The following CCNY variants were observed in gnomAD, a reference collection of about 807,000 sequenced individuals.
CCNY encodes cyclin-Y.
In CCNY, 19 loss-of-function variants were observed where a neutral mutation model predicts 42.8. That is an observed-to-expected ratio of 0.44 (90% CI 0.31 to 0.65). CCNY has a LOEUF of 0.65. Ranked by LOEUF, CCNY falls within the 30% of genes least tolerant of loss-of-function variation. CCNY has a pLI of 0.07. For synonymous variants in CCNY, 165 were observed against 162.7 expected (o/e 1.01, Z -0.11); for missense variants, 370 against 437.3 (o/e 0.85, Z 1.37).
At chr10:35,405,374 T>G (rs1837735435) in intron 1 of CCNY, among the ~76,000 whole-genome samples, 1 of 151,512 alleles carries the variant, frequency 6.6e-6, no homozygotes, top group Non-Finnish European at 1.5e-5. Flanking sequence ...GAAGGGGAGA[T>G]ACAAGGAGAG....
chr10:35,344,989 G>GGTTGCC (rs1277676444), intron 1 of CCNY, among the ~76,000 whole-genome samples: 40 of 152,268 alleles, frequency 2.6e-4, no homozygotes, highest in African/African-American at 9.4e-4. Context: ...TGGACATTTG[G>GGTTGCC]GTTGGTTCCA....
intron 4 of CCNY, among the ~76,000 whole-genome samples, chr10:35,519,577 C>T (rs1230138616): frequency 1.3e-5 from 2 of 151,576 alleles, no homozygotes; most frequent in Non-Finnish European, 2.9e-5. Context: ...CCACCAATGT[C>T]CCCCTGCCAC....
chr10:35,354,200 T>C (rs891644833), intron 1 of CCNY, among the ~76,000 whole-genome samples: 2 of 151,436 alleles, frequency 1.3e-5, no homozygotes, highest in Admixed American at 6.6e-5. Context: ...TTTTTTTTTT[T>C]TTTGGGATGA....
chr10:35,310,713 AT>A (rs1835673055), intron 3 of CCNY, among the ~76,000 whole-genome samples: 1 of 152,102 alleles, frequency 6.6e-6, no homozygotes, highest in South Asian at 2.1e-4. Context: ...AGCTTTTTTG[AT>A]TGCTTAGCCT....
chr10:35,319,325 G>A (rs951435141), intron 3 of CCNY, among the ~76,000 whole-genome samples: 1 of 152,142 alleles, frequency 6.6e-6, no homozygotes, highest in African/African-American at 2.4e-5. Flanking sequence ...GGCTGAGTGA[G>A]TTATGATCGC....
intron 2 of CCNY, among the ~76,000 whole-genome samples, chr10:35,497,420 T>C (rs1461908280): frequency 2.6e-5 from 4 of 152,210 alleles, no homozygotes; most frequent in African/African-American, 9.6e-5. Context: ...TGTCAGTCTT[T>C]TCAGGTGATA....
chr10:35,472,046 A>G (rs1000253247), intron 1 of CCNY, among the ~76,000 whole-genome samples: 1 of 152,150 alleles, frequency 6.6e-6, no homozygotes, highest in Admixed American at 6.5e-5. Context: ...TAAGCCTAAC[A>G]TTTATGTATT....
intron 5 of CCNY, 101 bp downstream of exon 5, chr10:35,526,100 T>C (rs1840646776): frequency 3.0e-6 from 3 of 1,002,180 alleles, no homozygotes; most frequent in African/African-American, 3.3e-5. Context: ...AATTATACTT[T>C]CTTAACTCAT....
intron 7 of CCNY, among the ~76,000 whole-genome samples, chr10:35,550,373 A>T (rs962397888): frequency 6.6e-6 from 1 of 152,006 alleles, no homozygotes; most frequent in Non-Finnish European, 1.5e-5. Flanking sequence ...TACACTGCTC[A>T]TGACCCTGTG....
intron 7 of CCNY, among the ~76,000 whole-genome samples, chr10:35,552,640 G>A (rs561225549): frequency 7.2e-5 from 11 of 152,210 alleles, no homozygotes; most frequent in African/African-American, 2.6e-4. Flanking sequence ...AAAACAAAAA[G>A]CTTAATTTAA....
intron 3 of CCNY, among the ~76,000 whole-genome samples, chr10:35,290,264 A>ACACACACACAC (rs61407161): frequency 1.4e-4 from 21 of 149,070 alleles, no homozygotes; most frequent in South Asian, 4.3e-4. Context: ...ACACACACAC[A>ACACACACACAC]AAATTAGCTG....
chr10:35,289,499 T>C (rs976665731), intron 3 of CCNY: 1 of 152,218 alleles, frequency 6.6e-6, no homozygotes, highest in Non-Finnish European at 1.5e-5. Flanking sequence ...TAAGTATGTT[T>C]TATTTAAATT....
At chr10:35,361,648 C>T (rs768651217) in intron 1 of CCNY, among the ~76,000 whole-genome samples, 4 of 152,172 alleles carry the variant, frequency 2.6e-5, no homozygotes, top group Non-Finnish European at 5.9e-5. Context: ...GTCTGAGAAT[C>T]GGCATTCTGC....
chr10:35,418,210 G>T (rs563401458), intron 1 of CCNY, among the ~76,000 whole-genome samples: 1 of 152,238 alleles, frequency 6.6e-6, no homozygotes, highest in East Asian at 1.9e-4. Flanking sequence ...CAGGGAAGTA[G>T]GAAACTTTCT....
intron 3 of CCNY, among the ~76,000 whole-genome samples, chr10:35,256,900 T>A (rs2095715957): frequency 6.6e-6 from 1 of 152,112 alleles, no homozygotes; most frequent in Non-Finnish European, 1.5e-5. Flanking sequence ...AAAAACAAAA[T>A]GTGGAATTAC....
rs140355042 is a variant in CCNY at position 35,293,594 on chromosome 10, A to G, written c.-9+42968A>G. Among the ~76,000 whole-genome samples the G allele has an allele frequency of 4.1e-3, 620 of 152,262 alleles. 2 individuals are homozygous for G. Among genetic ancestry groups the G allele is most frequent in the Middle Eastern group, 6.8e-3 (2 of 294 alleles). On this transcript the variant is annotated intron_variant, in intron 3 of 11. Transcript: ENST00000374706. ...CAATATTAAACCTTCCAGTCTGTGG[A>G]CATGGGATGTTATCCCATTTACTTA...
intron 3 of CCNY, among the ~76,000 whole-genome samples, chr10:35,510,102 C>T (rs2135400753): frequency 6.6e-6 from 1 of 152,240 alleles, no homozygotes; most frequent in East Asian, 1.9e-4. Flanking sequence ...ATAGTTTGCC[C>T]TCCTTAAGAT....
At chr10:35,283,431 C>T (rs1385386644) in intron 3 of CCNY, among the ~76,000 whole-genome samples, 2 of 151,232 alleles carry the variant, frequency 1.3e-5, no homozygotes, top group African/African-American at 4.9e-5. Context: ...GACTGAGTCT[C>T]GCTCTGTCGC....
intron 1 of CCNY, among the ~76,000 whole-genome samples, chr10:35,369,117 TG>T (rs1006195141): frequency 3.3e-5 from 5 of 152,208 alleles, no homozygotes; most frequent in African/African-American, 1.2e-4. Flanking sequence ...AAAAGCAGTC[TG>T]AACTGATAAA....
Sources: allele counts gnomAD v4.1 joint callset (sites outside exome capture counted in the v4.1 genomes callset), GRCh38; gene constraint gnomAD v4.1.1; transcripts MANE v1.5; gene names NCBI Gene and HGNC (gene_info 2026-07-23, HGNC 2026-07-21).